Variants in POU3F3 observed in about 807,000 individuals in gnomAD.
POU3F3 encodes the protein POU class 3 homeobox 3.
Under a neutral mutation model 8.6 loss-of-function variants are expected in POU3F3, and 1 was observed. That is an observed-to-expected ratio of 0.12 (90% confidence interval 0.04 to 0.55). The LOEUF is 0.55. Among genes scored for constraint, POU3F3 ranks in the 20% least tolerant of loss-of-function variants. The probability of loss-of-function intolerance (pLI) is 0.91; values close to 1 mark genes in which losing one functional copy is unlikely to be tolerated. For synonymous variants in POU3F3, 418 were observed against 327.4 expected, an observed-to-expected ratio of 1.28 and a Z score of -2.99; for missense variants, 577 against 690.7, an observed-to-expected ratio of 0.84 and a Z score of 1.84.
At chr2:104,878,612 C>T in the POU3F3 span, among the ~76,000 whole-genome samples, 1 of 152,190 alleles carries the variant, frequency 6.6e-6, no homozygotes, top group Admixed American at 6.5e-5. Flanking sequence ...TTATTTAACA[C>T]TTGGTAGACT....
the POU3F3 span, among the ~76,000 whole-genome samples, chr2:104,907,864 C>T: frequency 2.6e-5 from 4 of 152,032 alleles, no homozygotes; most frequent in African/African-American, 9.7e-5. Context: ...AGTAGAAACA[C>T]TTCTCTTGTA....
the POU3F3 span, among the ~76,000 whole-genome samples, chr2:104,916,007 G>A: frequency 1.4e-5 from 2 of 141,280 alleles, no homozygotes; most frequent in East Asian, 2.2e-4. Flanking sequence ...CCTCCAGCAA[G>A]GGTGGCCCCT....
chr2:104,904,947 C>T, the POU3F3 span, among the ~76,000 whole-genome samples: 4 of 152,042 alleles, frequency 2.6e-5, no homozygotes, highest in Non-Finnish European at 4.4e-5. Context: ...AGTGAGCTCA[C>T]GAAACATGTA....
the POU3F3 span, among the ~76,000 whole-genome samples, chr2:104,891,867 C>T: frequency 6.6e-6 from 1 of 152,126 alleles, no homozygotes; most frequent in African/African-American, 2.4e-5. Context: ...TCTAAATATA[C>T]AAAAATATGG....
the POU3F3 span, among the ~76,000 whole-genome samples, chr2:104,877,226 C>T: frequency 8.5e-5 from 13 of 152,272 alleles, no homozygotes; most frequent in African/African-American, 2.9e-4. Flanking sequence ...GAGAGAATCA[C>T]GGTGGGTAGG....
downstream of POU3F3, among the ~76,000 whole-genome samples, chr2:104,861,901 T>G (rs1340437316): frequency 6.6e-6 from 1 of 152,180 alleles, no homozygotes. Flanking sequence ...ACGGTAGGCT[T>G]GACGTTGATT....
chr2:104,908,692 A>G, the POU3F3 span, among the ~76,000 whole-genome samples: 1 of 152,250 alleles, frequency 6.6e-6, no homozygotes, highest in Non-Finnish European at 1.5e-5. Flanking sequence ...GTAACCACTC[A>G]GGTTTATTTA....
chr2:104,922,119 G>T, the POU3F3 span, among the ~76,000 whole-genome samples: 1 of 152,084 alleles, frequency 6.6e-6, no homozygotes, highest in East Asian at 1.9e-4. Context: ...CTAATCCCTG[G>T]TACAGAGACA....
At chr2:104,872,432 A>T in the POU3F3 span, 1 of 429,350 alleles carries the variant, frequency 2.3e-6, no homozygotes, top group Non-Finnish European at 4.7e-6. The surrounding 1 kb of genome is among the most constrained non-coding windows in gnomAD (Gnocchi z 4.6). Flanking sequence ...TCCTGCTTCC[A>T]ACTGCGATTT....
chr2:104,878,576 G>C, the POU3F3 span, among the ~76,000 whole-genome samples: 1 of 152,226 alleles, frequency 6.6e-6, no homozygotes, highest in Non-Finnish European at 1.5e-5. Flanking sequence ...CTGTGTGACT[G>C]TTATATTTAT....
the POU3F3 span, among the ~76,000 whole-genome samples, chr2:104,905,701 T>TATAGCTTC: frequency 2.7e-3 from 405 of 152,324 alleles, 3 homozygotes; most frequent in African/African-American, 9.4e-3. Context: ...CTCCTTAGCT[T>TATAGCTTC]ATAGCTTCAT....
At chr2:104,862,048 T>C (rs986911349), downstream of POU3F3, among the ~76,000 whole-genome samples, 14 of 152,160 alleles carry the variant, frequency 9.2e-5, no homozygotes, top group Admixed American at 3.9e-4. Context: ...ATCAGATTCT[T>C]TGATTTTGTT....
At position 104,855,705 on chromosome 2, in the gene POU3F3, G is replaced by A. The variant is rs776563157; in HGVS notation, c.195G>A (p.Gly65=). ...CCGTGACCTCGGGCGCCTACCGGGG[G>A]GACCCGTCCTCTGTCAAGATGGTCC... is the stretch of plus-strand genomic sequence containing the variant. The part of the protein sequence containing the change: ...SAAVTSGAYR[G]DPSSVKMVQS... The change falls in exon 1 of 1, where the codon GGG becomes GGA. Residue 65 remains glycine (G), a synonymous_variant. Transcript: ENST00000361360. 2.4e-6 allele frequency: 3 copies of A among 1,232,808 alleles called. No individual in the cohort carries two copies. The highest frequency in any genetic ancestry group is 2.6e-5 in the Admixed American group (1 of 38,208). The allele number at this position is 1,232,808 out of a possible 1,614,324, so 76.4% of individuals were successfully genotyped here.
the POU3F3 span, among the ~76,000 whole-genome samples, chr2:104,911,300 G>A: frequency 6.6e-6 from 1 of 151,500 alleles, no homozygotes; most frequent in African/African-American, 2.4e-5. Context: ...TGTAATCCCA[G>A]CTACTAGGGA....
chr2:104,902,501 T>G, the POU3F3 span, among the ~76,000 whole-genome samples: 13 of 152,146 alleles, frequency 8.5e-5, no homozygotes, highest in Admixed American at 7.9e-4. Context: ...GCTGATTATT[T>G]TAATAGTCTC....
rs1180659216 is a variant in POU3F3 at position 104,855,885 on chromosome 2, C to A, written c.375C>A (p.Ser125Arg). 3 of 1,059,806 alleles carry A rather than the reference C, an allele frequency of 2.8e-6. No homozygotes were observed. Among genetic ancestry groups the A allele is most frequent in the African/African-American group, 3.5e-5 (2 of 56,624 alleles). 65.7% of individuals were successfully genotyped at this position (1,059,806 alleles called of 1,614,324 possible). A position where few individuals can be genotyped will look rare whatever the true frequency, so the allele number is the denominator to read the frequency against. Residue 125 changes from serine to arginine, a missense_variant, in exon 1 of 1, where the codon AGC becomes AGA. Ser to Arg is a moderately radical substitution (Grantham distance 110, BLOSUM62 -1). This residue lies in a region of POU3F3 where 484 missense variants were observed against 422.6 expected (regional missense o/e 1.15). Coordinates refer to ENST00000361360, the MANE Select transcript of POU3F3 (RefSeq NM_006236.3). ...AGGCGAGCTCGCCGTGGTCGGGCAGCGCCGTGGGCATGGCTGGCAGCCCCC... is the reference window on the plus strand; with the variant it reads ...AGGCGAGCTCGCCGTGGTCGGGCAGAGCCGTGGGCATGGCTGGCAGCCCCC... ...AVEASSPWSG[S>R]AVGMAGSPQQ...
At position 104,855,343 on chromosome 2, in the gene POU3F3, C is replaced by T. The variant is rs1280473309; in HGVS notation, c.-168C>T. ...GCGGAGGCGGCGGCGGAGGAGGAGG[C>T]GGCGAAGGCGGCGGGGCCGGCGGGG... On this transcript the variant is annotated 5_prime_UTR_variant, in exon 1 of 1. Coordinates refer to ENST00000361360, the MANE Select transcript of POU3F3 (RefSeq NM_006236.3). Among the ~76,000 whole-genome samples the T allele has an allele frequency of 3.2e-5, 4 of 126,406 alleles. No homozygotes were observed. Among genetic ancestry groups the T allele is most frequent in the Non-Finnish European group, 6.7e-5 (4 of 59,528 alleles). The allele number at this position is 126,406 out of a possible 152,430, so 82.9% of individuals were successfully genotyped here. A position where few individuals can be genotyped will look rare whatever the true frequency, so the allele number is the denominator to read the frequency against.
In POU3F3 at chr2:104,855,900, T is replaced by C; in HGVS notation, c.390T>C (p.Ala130=). Residue 130 remains alanine, a synonymous_variant, in exon 1 of 1, where the codon GCT becomes GCC. Transcript: ENST00000361360. ...SPWSGSAVGM[A]GSPQQPPQPP... ...GGTCGGGCAGCGCCGTGGGCATGGC[T>C]GGCAGCCCCCAGCAGCCACCGCAGC... 1 of 1,058,142 alleles carries C rather than the reference T, an allele frequency of 9.5e-7. No individual in the cohort carries two copies. Among genetic ancestry groups the C allele is most frequent in the Admixed American group, 5.4e-5 (1 of 18,460 alleles). The allele number at this position is 1,058,142 out of a possible 1,614,324, so 65.5% of individuals were successfully genotyped here.
chr2:104,895,524 T>G, the POU3F3 span, among the ~76,000 whole-genome samples: 1 of 152,210 alleles, frequency 6.6e-6, no homozygotes, highest in Non-Finnish European at 1.5e-5. Context: ...AACTGTAATA[T>G]TTCCTGAAAG....
Sources: allele counts gnomAD v4.1 joint callset (sites outside exome capture counted in the v4.1 genomes callset), GRCh38; gene constraint gnomAD v4.1.1; regional missense constraint gnomAD v4.1.1; non-coding constraint Gnocchi (gnomAD v3.1); transcripts MANE v1.5; gene names NCBI Gene and HGNC (gene_info 2026-07-23, HGNC 2026-07-21).